Variants in FBXO36 observed in about 807,000 individuals in gnomAD.
FBXO36 encodes F-box only protein 36.
In FBXO36, 18 loss-of-function variants were observed where a neutral mutation model predicts 17.0. That is an observed-to-expected ratio of 1.06 (90% CI 0.73 to 1.57). The LOEUF is 1.57. FBXO36 is among the 40% of genes most tolerant of loss of function. The pLI, the probability that FBXO36 is intolerant of heterozygous loss-of-function variation, is 0.00. For missense variants in FBXO36, 229 were observed against 221.9 expected, an observed-to-expected ratio of 1.03 and a Z score of -0.20; for synonymous variants, 83 against 85.3, an observed-to-expected ratio of 0.97 and a Z score of 0.15.
chr2:230,010,261 CA>C (rs1164833373), intron 3 of FBXO36, among the ~76,000 whole-genome samples: 4 of 152,162 alleles, frequency 2.6e-5, no homozygotes, highest in African/African-American at 9.6e-5. Context: ...AACTCCATCT[CA>C]AAAATAAAAA....
At chr2:229,934,499 C>CT (rs1156482975) in intron 1 of FBXO36, among the ~76,000 whole-genome samples, 1 of 152,168 alleles carries the variant, frequency 6.6e-6, no homozygotes, top group Non-Finnish European at 1.5e-5. Context: ...ACAGCACCCT[C>CT]TTTTCCCTGA....
At chr2:229,949,602 CTTGGT>C (rs2077046201) in intron 1 of FBXO36, among the ~76,000 whole-genome samples, 1 of 151,694 alleles carries the variant, frequency 6.6e-6, no homozygotes, top group Admixed American at 6.6e-5. Flanking sequence ...CTGAGAAATA[CTTGGT>C]AGATGTCTAT....
chr2:229,937,222 C>T (rs1193128482), intron 1 of FBXO36, among the ~76,000 whole-genome samples: 3 of 152,118 alleles, frequency 2.0e-5, no homozygotes, highest in South Asian at 2.1e-4. Context: ...GGGCTGGGCG[C>T]GGTGGCTCAC....
chr2:229,989,545 C>T (rs2077287611), intron 2 of FBXO36, among the ~76,000 whole-genome samples: 1 of 152,070 alleles, frequency 6.6e-6, no homozygotes, highest in African/African-American at 2.4e-5. Flanking sequence ...GCGTGAGCCA[C>T]CACGCCCGGC....
chr2:229,952,121 A>G (rs767509830), intron 1 of FBXO36, among the ~76,000 whole-genome samples: 20 of 152,048 alleles, frequency 1.3e-4, no homozygotes, highest in Non-Finnish European at 2.6e-4. Context: ...GCTTTATTTT[A>G]AATTGTATGT....
Position 229,979,649 on chromosome 2 carries a change from G to A in FBXO36, c.205+3300G>A, listed in dbSNP as rs192466187. Among the ~76,000 whole-genome samples, 18 of 151,692 alleles carry A rather than the reference G, an allele frequency of 1.2e-4. No individual in the cohort carries two copies. In the East Asian group the frequency reaches 2.9e-3, roughly 25 times the overall value. On this transcript the variant is annotated intron_variant, in intron 2 of 3. Coordinates refer to ENST00000283946, the MANE Select transcript of FBXO36 (RefSeq NM_174899.5). ...ACAAAAATTAGCCGGGTGTGGTTGT[G>A]CAAGCCTGTAATCCCAGCTACTTGG...
rs1158472232 is a variant in FBXO36 at position 229,996,933 on chromosome 2, A to AATT, written c.378+14_378+16dup. 3.1e-6 allele frequency: 5 copies of AATT among 1,602,150 alleles called. No individual in the cohort carries two copies. Among genetic ancestry groups the AATT allele is most frequent in the Non-Finnish European group, 3.4e-6 (4 of 1,176,510 alleles). On this transcript the variant is annotated intron_variant, in intron 3 of 3. Transcript: ENST00000283946. ...ACACAGATTTGCAAAGGTAACGGTC[A>AATT]ATTATTTTATGTCTATATAGAATTT... is the stretch of plus-strand genomic sequence containing the variant.
intron 1 of FBXO36, among the ~76,000 whole-genome samples, chr2:229,928,699 G>C (rs2076924610): frequency 6.6e-6 from 1 of 152,152 alleles, no homozygotes; most frequent in Admixed American, 6.5e-5. Context: ...TACAGTTTTA[G>C]AGTGCAAATT....
At chr2:229,976,191 G>A in intron 1 of FBXO36, 50 bp from the exon 2 acceptor site, 1 of 1,394,744 alleles carries the variant, frequency 7.2e-7, no homozygotes, top group African/African-American at 1.4e-5. Context: ...TAATGTAACT[G>A]TTAGTATTGA....
intron 1 of FBXO36, among the ~76,000 whole-genome samples, chr2:229,962,865 CAG>C (rs1358519488): frequency 6.6e-6 from 1 of 151,824 alleles, no homozygotes; most frequent in Admixed American, 6.6e-5. Flanking sequence ...TTAGTAGAGA[CAG>C]GGTTTCACCA....
rs138878978 is a variant in FBXO36 at position 229,963,724 on chromosome 2, G to A, written c.97-12517G>A. On this transcript the variant is annotated intron_variant, in intron 1 of 3. Coordinates refer to ENST00000283946, the MANE Select transcript of FBXO36 (RefSeq NM_174899.5). Reference sequence around the variant, plus strand: ...CTCCCAAAGTGCTGGAATTACAGGCGTGAGCCACCGCGCCCAGCCTATCCT... The same window carrying A: ...CTCCCAAAGTGCTGGAATTACAGGCATGAGCCACCGCGCCCAGCCTATCCT... Among the ~76,000 whole-genome samples, 852 of 152,262 alleles carry A rather than the reference G, an allele frequency of 5.6e-3. 8 individuals are homozygous for A. The highest frequency in any genetic ancestry group is 0.014 in the Middle Eastern group (4 of 294).
intron 1 of FBXO36, among the ~76,000 whole-genome samples, chr2:229,958,257 CTTTTTTTTTTTTT>C (rs1161188534): frequency 5.1e-5 from 4 of 78,682 alleles, no homozygotes; most frequent in Admixed American, 4.5e-4. Flanking sequence ...CTCTGACTTT[CTTTTTTTTTTTTT>C]TTTTTTTTTT....
intron 2 of FBXO36, among the ~76,000 whole-genome samples, chr2:229,982,878 C>T (rs1272769346): frequency 6.6e-6 from 1 of 151,642 alleles, no homozygotes; most frequent in Non-Finnish European, 1.5e-5. Flanking sequence ...GAGATTAGGA[C>T]ATGGACATCT....
intron 1 of FBXO36, among the ~76,000 whole-genome samples, chr2:229,959,155 T>C (rs1362827557): frequency 6.6e-6 from 1 of 152,190 alleles, no homozygotes; most frequent in Admixed American, 6.6e-5. Flanking sequence ...CATGTTAGAT[T>C]TTGCCCTCAT....
intron 1 of FBXO36, among the ~76,000 whole-genome samples, chr2:229,948,818 CTTTAT>C (rs1055096432): frequency 3.9e-5 from 6 of 152,148 alleles, no homozygotes; most frequent in South Asian, 2.1e-4. Flanking sequence ...CCTACTGCCT[CTTTAT>C]TTTATTTTAT....
chr2:229,934,173 G>A (rs1311074120), intron 1 of FBXO36, among the ~76,000 whole-genome samples: 5 of 151,896 alleles, frequency 3.3e-5, no homozygotes, highest in Admixed American at 2.0e-4. Flanking sequence ...AGGCTGAGGC[G>A]AGTGGATCAC....
chr2:229,976,079 T>A (rs906488857), intron 1 of FBXO36, among the ~76,000 whole-genome samples, 162 bp from the exon 2 acceptor site: 1 of 152,196 alleles, frequency 6.6e-6, no homozygotes, highest in African/African-American at 2.4e-5. Context: ...AAAATGTTCT[T>A]TGATGCCCAG....
At chr2:230,008,485 G>A (rs2106219616) in intron 3 of FBXO36, among the ~76,000 whole-genome samples, 1 of 152,140 alleles carries the variant, frequency 6.6e-6, no homozygotes, top group East Asian at 1.9e-4. Flanking sequence ...ATAGATGGGG[G>A]TATTTTGTAC....
At chr2:229,973,556 A>T (rs2106192441) in intron 1 of FBXO36, 1 of 151,988 alleles carries the variant, frequency 6.6e-6, no homozygotes, top group Admixed American at 6.6e-5. Context: ...CCCCGTCTCC[A>T]CTAAAAATAC....
Sources: allele counts gnomAD v4.1 joint callset (sites outside exome capture counted in the v4.1 genomes callset), GRCh38; gene constraint gnomAD v4.1.1; transcripts MANE v1.5; gene names NCBI Gene and HGNC (gene_info 2026-07-23, HGNC 2026-07-21).